The following NFKB1 variants were observed in gnomAD, a reference collection of about 807,000 sequenced individuals.
NFKB1 encodes the protein nuclear factor NF-kappa-B p105 subunit.
In NFKB1, 9 loss-of-function variants were observed where a neutral mutation model predicts 105.1. The ratio of observed to expected loss-of-function variants is 0.09; its 90% CI spans 0.05 to 0.15. NFKB1 has a LOEUF of 0.15. Ranked by LOEUF, NFKB1 falls within the 10% of genes least tolerant of loss-of-function variation. NFKB1 has a pLI of 1.00. For synonymous variants in NFKB1, 440 were observed against 442.2 expected, an observed-to-expected ratio of 1.00 and a Z score of 0.06; for missense variants, 830 against 1,203.7, an observed-to-expected ratio of 0.69 and a Z score of 4.59.
chr4:102,530,643 T>C (rs1450044999), intron 3 of NFKB1, among the ~76,000 whole-genome samples: 3 of 152,200 alleles, frequency 2.0e-5, no homozygotes, highest in Non-Finnish European at 4.4e-5. Flanking sequence ...AAACAGAGTT[T>C]GGTAATCGCT....
intron 3 of NFKB1, among the ~76,000 whole-genome samples, chr4:102,533,276 C>T (rs1264432681): frequency 6.6e-6 from 1 of 151,994 alleles, no homozygotes; most frequent in Admixed American, 6.6e-5. Flanking sequence ...GCAGTACTTT[C>T]CCTTCAAGTA....
chr4:102,606,836 C>T lies in NFKB1; in HGVS notation c.1954+139C>T. 4.2e-6 allele frequency: 4 copies of T among 950,110 alleles called. No homozygotes were observed. The South Asian group carries it at 6.8e-5, about 16-fold the overall frequency. The allele number at this position is 950,110 out of a possible 1,614,324, so 58.9% of individuals were successfully genotyped here. A position where few individuals can be genotyped will look rare whatever the true frequency, so the allele number is the denominator to read the frequency against. ...CCTGGAGTTCATCATCTCTTTTGGG[C>T]ATTTCTGTTGCTCACCAAAGCTAAT... On this transcript the variant is annotated intron_variant, in intron 17 of 23. Coordinates refer to ENST00000226574, the MANE Select transcript of NFKB1 (RefSeq NM_003998.4).
Position 102,597,507 on chromosome 4 carries a change from C to A in NFKB1, c.1496-13C>A. On this transcript the variant is annotated splice_polypyrimidine_tract_variant and intron_variant, in intron 14 of 23. Coordinates refer to ENST00000226574, the MANE Select transcript of NFKB1 (RefSeq NM_003998.4). ...AGGAACACTCAACTATGATTGTGGT[C>A]ATTGCCTTACAGATAACCTCTTTCT... The A allele has an allele frequency of 1.9e-6, 3 of 1,602,518 alleles. No individual in the cohort carries two copies. The highest frequency in any genetic ancestry group is 2.2e-5 in the South Asian group (2 of 89,094).
intron 1 of NFKB1, among the ~76,000 whole-genome samples, chr4:102,516,316 A>G (rs1740179491): frequency 6.6e-6 from 1 of 151,812 alleles, no homozygotes; most frequent in Admixed American, 6.5e-5. Context: ...AATTTATAAA[A>G]ATTCTCAACT....
intron 7 of NFKB1, 144 bp from the exon 8 acceptor site, chr4:102,578,737 C>A: frequency 1.3e-6 from 1 of 757,892 alleles, no homozygotes; most frequent in Non-Finnish European, 2.0e-6. Context: ...CTGTTTTTAA[C>A]ACTTTATTAG....
At chr4:102,533,016 C>G (rs1741398966) in intron 3 of NFKB1, among the ~76,000 whole-genome samples, 1 of 152,130 alleles carries the variant, frequency 6.6e-6, no homozygotes, top group African/African-American at 2.4e-5. Context: ...GATTAAGCCT[C>G]TAGTTTTCTT....
At chr4:102,598,527 A>G (rs4648077) in intron 15 of NFKB1, among the ~76,000 whole-genome samples, 93 of 152,294 alleles carry the variant, frequency 6.1e-4, no homozygotes, top group Non-Finnish European at 1.1e-3. Flanking sequence ...TCAAGCAGAG[A>G]CACCTTTGTT....
chr4:102,595,412 T>A (rs1278967866), intron 13 of NFKB1, among the ~76,000 whole-genome samples: 1 of 152,236 alleles, frequency 6.6e-6, no homozygotes, highest in Non-Finnish European at 1.5e-5. Flanking sequence ...ATAGTTTATA[T>A]TACAGGTCCA....
intron 4 of NFKB1, among the ~76,000 whole-genome samples, chr4:102,535,268 A>T (rs559758542): frequency 6.2e-4 from 95 of 152,296 alleles, no homozygotes; most frequent in African/African-American, 2.1e-3. Flanking sequence ...TGCATATGCC[A>T]AAGTATTTTT....
intron 4 of NFKB1, 104 bp downstream of exon 4, chr4:102,533,989 A>G (rs768752557): frequency 8.9e-5 from 85 of 956,418 alleles, no homozygotes; most frequent in Non-Finnish European, 1.3e-4. Flanking sequence ...GAAGTAGTTT[A>G]TCTGAAAGAT....
In NFKB1 at chr4:102,584,775, G is replaced by T. The variant is rs1226296416; in HGVS notation, c.1021G>T (p.Glu341Ter). 1 of 1,612,908 alleles carries T rather than the reference G, an allele frequency of 6.2e-7. No homozygotes were observed. The highest frequency in any genetic ancestry group is 8.5e-7 in the Non-Finnish European group (1 of 1,179,402). The change falls in exon 11 of 24, where the codon GAA (glutamate) becomes TAA (stop). Residue 341 changes from glutamate (E) to a stop codon, truncating the protein, a stop_gained. Transcript: ENST00000226574. LOFTEE classifies it high-confidence loss of function. The stretch of plus-strand genomic sequence containing the variant: ...CCAGCTTCGGAGGAAATCTGACTTG[G>T]AAACTAGTGAACCAAAACCTTTCCT... ...FVQLRRKSDL[E>*]TSEPKPFLYY... is the part of the protein sequence containing the mutation.
Position 102,606,716 on chromosome 4 carries a change from T to C in NFKB1, c.1954+19T>C. 1 of 1,606,332 alleles carries C rather than the reference T, an allele frequency of 6.2e-7. No individual in the cohort carries two copies. Among genetic ancestry groups the C allele is most frequent in the Non-Finnish European group, 8.5e-7 (1 of 1,174,286 alleles). ...GGGGACGGTAAGAGACAATCACACATCATTGGTGTAACTTTCTCCACCTTC... is the reference window on the plus strand; with the variant it reads ...GGGGACGGTAAGAGACAATCACACACCATTGGTGTAACTTTCTCCACCTTC... On this transcript the variant is annotated intron_variant, in intron 17 of 23. Coordinates refer to ENST00000226574, the MANE Select transcript of NFKB1 (RefSeq NM_003998.4).
At chr4:102,539,709 G>A (rs1269331027) in intron 5 of NFKB1, among the ~76,000 whole-genome samples, 1 of 152,156 alleles carries the variant, frequency 6.6e-6, no homozygotes, top group African/African-American at 2.4e-5. Context: ...GGTAAAAAGT[G>A]CAATGCCTGT....
At chr4:102,613,065 T>G (rs1412088622) in intron 22 of NFKB1, among the ~76,000 whole-genome samples, 1 of 152,160 alleles carries the variant, frequency 6.6e-6, no homozygotes, top group Non-Finnish European at 1.5e-5. Flanking sequence ...AGTTTTCTGT[T>G]GAAAATTTCA....
chr4:102,591,896 T>C (rs1298893880), intron 11 of NFKB1, among the ~76,000 whole-genome samples: 1 of 152,202 alleles, frequency 6.6e-6, no homozygotes, highest in Non-Finnish European at 1.5e-5. Context: ...GAAAACCCTG[T>C]GGAAAGGATT....
intron 11 of NFKB1, among the ~76,000 whole-genome samples, chr4:102,590,250 T>C (rs1216286766): frequency 6.6e-6 from 1 of 152,166 alleles, no homozygotes; most frequent in African/African-American, 2.4e-5. Flanking sequence ...TAAAATACCA[T>C]CCCCTACACA....
At position 102,514,450 on chromosome 4, in the gene NFKB1, C is replaced by G. The variant is rs3938376; in HGVS notation, c.-7-11062C>G. Among the ~76,000 whole-genome samples the G allele has an allele frequency of 7.4e-3, 1,121 of 152,256 alleles. 15 individuals carry two copies. The highest frequency in any genetic ancestry group is 0.026 in the African/African-American group (1,084 of 41,560). Reference sequence around the variant, plus strand: ...AAATTTGTCTCCTCTTGCCTTTCCGCCCTCTGCCAGTTGCGGACACAGCAT... The same window carrying G: ...AAATTTGTCTCCTCTTGCCTTTCCGGCCTCTGCCAGTTGCGGACACAGCAT... On this transcript the variant is annotated intron_variant, in intron 1 of 23. Transcript: ENST00000226574.
Position 102,616,778 on chromosome 4 carries a change from T to G in NFKB1, c.*184T>G, listed in dbSNP as rs1185397933. On this transcript the variant is annotated 3_prime_UTR_variant, in exon 24 of 24. Coordinates refer to ENST00000226574, the MANE Select transcript of NFKB1 (RefSeq NM_003998.4). Reference sequence around the variant, plus strand: ...CTTGGTTCATAAATGAATTTTAGTTTGGTTCACTTACAGATAGTATCTAGC... The same window carrying G: ...CTTGGTTCATAAATGAATTTTAGTTGGGTTCACTTACAGATAGTATCTAGC... 3.3e-6 allele frequency: 2 copies of G among 609,446 alleles called. No homozygotes were observed. Among genetic ancestry groups the G allele is most frequent in the Non-Finnish European group, 5.6e-6 (2 of 359,200 alleles). The allele number at this position is 609,446 out of a possible 1,614,324, so 37.8% of individuals were successfully genotyped here.
intron 11 of NFKB1, among the ~76,000 whole-genome samples, chr4:102,587,915 T>C (rs1725847576): frequency 6.6e-6 from 1 of 152,174 alleles, no homozygotes; most frequent in Admixed American, 6.5e-5. Context: ...GGATCCAAAC[T>C]GTACAACCCA....
Sources: gnomAD v4.1 joint callset for allele counts (sites outside exome capture counted in the v4.1 genomes callset) on GRCh38, gnomAD v4.1.1 for gene constraint, MANE v1.5 for transcripts, NCBI Gene and HGNC (gene_info 2026-07-23, HGNC 2026-07-21) for gene names.